Variants in PLGRKT observed in about 807,000 individuals in gnomAD.
PLGRKT encodes plasminogen receptor (KT).
Under a neutral mutation model 18.5 loss-of-function variants are expected in PLGRKT, and 22 were observed. The observed-to-expected ratio is 1.19, with a 90% CI of 0.85 to 1.70. PLGRKT has a LOEUF of 1.70. Among genes scored for constraint, PLGRKT ranks in the 40% most tolerant of loss-of-function variants. PLGRKT has a pLI of 0.00. For synonymous variants in PLGRKT, 72 were observed against 52.8 expected, an observed-to-expected ratio of 1.36 and a Z score of -1.58; for missense variants, 235 against 174.4, an observed-to-expected ratio of 1.35 and a Z score of -1.96.
intron 3 of PLGRKT, among the ~76,000 whole-genome samples, chr9:5,417,441 C>G (rs545507052): frequency 6.6e-6 from 1 of 151,944 alleles, no homozygotes; most frequent in Admixed American, 6.6e-5. Context: ...AAAAAAAACA[C>G]AGGAGTAAAT....
chr9:5,367,541 A>C (rs1222547349), intron 3 of PLGRKT, among the ~76,000 whole-genome samples: 1 of 152,238 alleles, frequency 6.6e-6, no homozygotes, highest in African/African-American at 2.4e-5. Context: ...AGCTATATGC[A>C]GAAGAATGAA....
chr9:5,432,409 G>A (rs1382122462), intron 2 of PLGRKT, among the ~76,000 whole-genome samples: 1 of 152,220 alleles, frequency 6.6e-6, no homozygotes, highest in Non-Finnish European at 1.5e-5. Flanking sequence ...GAGGAGGGAT[G>A]ATTAAGAAGA....
In PLGRKT at chr9:5,361,864, T is replaced by TTTCC; in HGVS notation, c.105_106insGGAA (p.Ser36GlyfsTer3). 1 of 1,613,016 alleles carries TTTCC rather than the reference T, an allele frequency of 6.2e-7. No individual in the cohort carries two copies. Among genetic ancestry groups the TTTCC allele is most frequent in the South Asian group, 1.1e-5 (1 of 90,816 alleles). On this transcript the variant is annotated frameshift_variant, in exon 4 of 6. Transcript: ENST00000223864. LOFTEE classifies it high-confidence loss of function. ...GCCATTTGTCTTTCCCTCATTTCAC[T>TTTCC]CTGCATGATGAGCTGCCTTTCCAGC...
rs60380044 is a variant in PLGRKT, at chr9:5,424,667, T to A, written c.81+7230A>T. Reference sequence around the variant, plus strand: ...CATTATATATAATATAATTATATATTTTATATATATATATATATATATATA... The same window carrying A: ...CATTATATATAATATAATTATATATATTATATATATATATATATATATATA... On this transcript the variant is annotated intron_variant, in intron 3 of 5. Coordinates refer to ENST00000223864, the MANE Select transcript of PLGRKT (RefSeq NM_018465.4). Among the ~76,000 whole-genome samples the A allele has an allele frequency of 2.4e-3, 247 of 101,750 alleles. 7 individuals carry two copies. The highest frequency in any genetic ancestry group is 0.01 in the African/African-American group (234 of 22,860). The allele number at this position is 101,750 out of a possible 152,430, so 66.8% of individuals were successfully genotyped here.
intron 3 of PLGRKT, among the ~76,000 whole-genome samples, chr9:5,404,155 C>A (rs189531300): frequency 1.3e-5 from 2 of 152,098 alleles, no homozygotes; most frequent in South Asian, 2.1e-4. Context: ...CCAAAAACAG[C>A]CCAGATCCTG....
At chr9:5,382,034 G>GA (rs976707683) in intron 3 of PLGRKT, 15 of 983,550 alleles carry the variant, frequency 1.5e-5, no homozygotes, top group Non-Finnish European at 1.8e-5. Context: ...TGTGCACCCT[G>GA]AAAAAAAAGT....
chr9:5,397,201 A>G (rs1183667254), intron 3 of PLGRKT, among the ~76,000 whole-genome samples: 6 of 151,878 alleles, frequency 4.0e-5, no homozygotes, highest in Non-Finnish European at 8.8e-5. Flanking sequence ...GTGGCAACCC[A>G]TTAGGAAATG....
intron 2 of PLGRKT, among the ~76,000 whole-genome samples, chr9:5,432,721 C>A (rs1324729990): frequency 1.3e-5 from 2 of 152,226 alleles, no homozygotes; most frequent in Non-Finnish European, 2.9e-5. Flanking sequence ...TGGTCTCGAG[C>A]TCCTGGCCTC....
chr9:5,388,188 G>A (rs1437946916), intron 3 of PLGRKT, among the ~76,000 whole-genome samples: 1 of 151,856 alleles, frequency 6.6e-6, no homozygotes. Flanking sequence ...CTCCAGGAAT[G>A]TGTAACAGTC....
At chr9:5,414,930 G>C (rs963457905) in intron 3 of PLGRKT, among the ~76,000 whole-genome samples, 3 of 152,162 alleles carry the variant, frequency 2.0e-5, no homozygotes, top group Non-Finnish European at 4.4e-5. Context: ...ACACAGATAG[G>C]TAGATATAGA....
intron 3 of PLGRKT, among the ~76,000 whole-genome samples, chr9:5,371,111 T>C (rs1260833492): frequency 6.6e-6 from 1 of 152,210 alleles, no homozygotes; most frequent in Non-Finnish European, 1.5e-5. Flanking sequence ...AACATCTTAT[T>C]ATAAACAATA....
chr9:5,375,584 A>G (rs575157305), intron 3 of PLGRKT, among the ~76,000 whole-genome samples: 55 of 152,340 alleles, frequency 3.6e-4, no homozygotes, highest in Admixed American at 1.0e-3. Flanking sequence ...GGGAAAATAA[A>G]GGAAAATATG....
chr9:5,428,909 C>T (rs1321355838), intron 3 of PLGRKT, among the ~76,000 whole-genome samples: 1 of 152,020 alleles, frequency 6.6e-6, no homozygotes, highest in African/African-American at 2.4e-5. Flanking sequence ...ACTATGTTGC[C>T]CAGGGTGGTC....
Position 5,391,401 on chromosome 9 carries a change from G to A in PLGRKT, c.82-29513C>T, listed in dbSNP as rs185236110. Among the ~76,000 whole-genome samples the A allele has an allele frequency of 5.0e-3, 753 of 151,910 alleles. 30 individuals are homozygous for A. Among genetic ancestry groups the A allele is most frequent in the African/African-American group, 0.017 (714 of 41,256 alleles). On this transcript the variant is annotated intron_variant, in intron 3 of 5. Transcript: ENST00000223864. Reference sequence around the variant, plus strand: ...CAATACTAATTTCACCTAGATTATCGCAATATTTCTCTTGAGGATAGCATA... The same window carrying A: ...CAATACTAATTTCACCTAGATTATCACAATATTTCTCTTGAGGATAGCATA...
At chr9:5,416,404 G>C (rs1409691057) in intron 3 of PLGRKT, among the ~76,000 whole-genome samples, 1 of 152,150 alleles carries the variant, frequency 6.6e-6, no homozygotes, top group Non-Finnish European at 1.5e-5. Context: ...GTGACTATGT[G>C]TCTGTCTGTG....
chr9:5,371,350 T>TATC (rs1817511348), intron 3 of PLGRKT, among the ~76,000 whole-genome samples: 2 of 152,184 alleles, frequency 1.3e-5, no homozygotes, highest in African/African-American at 2.4e-5. Context: ...ACTTGAATTG[T>TATC]ATCTCCCACA....
intron 3 of PLGRKT, among the ~76,000 whole-genome samples, chr9:5,426,271 G>A (rs1818696368): frequency 6.6e-6 from 1 of 152,032 alleles, no homozygotes; most frequent in South Asian, 2.1e-4. Flanking sequence ...ATTCGCTGGT[G>A]TTCATCTTAT....
chr9:5,417,559 A>G (rs1818487349), intron 3 of PLGRKT, among the ~76,000 whole-genome samples: 1 of 151,676 alleles, frequency 6.6e-6, no homozygotes. Context: ...GTCAAGGGAC[A>G]CTGTCAAGAG....
At chr9:5,389,851 A>G (rs561680989) in intron 3 of PLGRKT, among the ~76,000 whole-genome samples, 2 of 152,072 alleles carry the variant, frequency 1.3e-5, no homozygotes, top group African/African-American at 4.8e-5. Flanking sequence ...ACGGACCTTC[A>G]TTGAAGGACA....
Sources: gnomAD v4.1 joint callset for allele counts (sites outside exome capture counted in the v4.1 genomes callset) on GRCh38, gnomAD v4.1.1 for gene constraint, MANE v1.5 for transcripts, NCBI Gene and HGNC (gene_info 2026-07-23, HGNC 2026-07-21) for gene names.